Variants in HMGA1 observed in about 807,000 individuals in gnomAD.
HMGA1 encodes the protein high mobility group AT-hook 1.
A neutral mutation model predicts 15.1 loss-of-function variants in HMGA1; 1 was observed. The observed-to-expected ratio is 0.07, with a 90% confidence interval of 0.02 to 0.31. The LOEUF (loss-of-function observed/expected upper bound fraction) is 0.31. Ranked by LOEUF, HMGA1 falls within the 10% of genes least tolerant of loss-of-function variation. HMGA1 has a pLI of 1.00. For synonymous variants in HMGA1, 56 were observed against 54.8 expected, an observed-to-expected ratio of 1.02 and a Z score of -0.10; for missense variants, 94 against 141.4, an observed-to-expected ratio of 0.66 and a Z score of 1.70.
chr6:34,242,809 T>A lies in HMGA1; in HGVS notation c.219+14T>A. The A allele has an allele frequency of 6.4e-7, 1 of 1,563,610 alleles. No homozygotes were observed. The highest frequency in any genetic ancestry group is 8.7e-7 in the Non-Finnish European group (1 of 1,148,786). The stretch of plus-strand genomic sequence containing the variant: ...GCCAAGACCCGGGTGAGACTTGAGA[T>A]GGGACTACCCCTGGGTGGATGACTA... On this transcript the variant is annotated intron_variant, in intron 4 of 5. Coordinates refer to ENST00000311487, the MANE Select transcript of HMGA1 (RefSeq NM_145899.3).
chr6:34,240,524 G>C (rs1762215107), intron 2 of HMGA1: 1 of 495,304 alleles, frequency 2.0e-6, no homozygotes. Context: ...TTCTGAACAG[G>C]AGATAGATAA....
chr6:34,241,344 T>G (rs755082219), intron 3 of HMGA1, among the ~76,000 whole-genome samples: 1 of 152,252 alleles, frequency 6.6e-6, no homozygotes, highest in Non-Finnish European at 1.5e-5. Flanking sequence ...AAATGATTTT[T>G]GTCAATTTGC....
intron 4 of HMGA1, 77 bp from the exon 5 acceptor site, chr6:34,243,391 C>T: frequency 5.3e-6 from 6 of 1,128,090 alleles, no homozygotes; most frequent in Admixed American, 1.9e-5. Flanking sequence ...GGTAGGTCTG[C>T]CCCCCATCAC....
At chr6:34,237,810 T>C (rs1761927293) in intron 2 of HMGA1, among the ~76,000 whole-genome samples, 1 of 151,514 alleles carries the variant, frequency 6.6e-6, no homozygotes, top group Non-Finnish European at 1.5e-5. Context: ...GTGAGGGAGA[T>C]GGGGAGGAAC....
In HMGA1 at chr6:34,244,984, C is replaced by T. The variant is rs1561878119; in HGVS notation, c.*100C>T. ...CGCCCCCACCCCTTCCCCAGGCCCA[C>T]CATCACCACCGCCTCTGGCCGCCAC... On this transcript the variant is annotated 3_prime_UTR_variant, in exon 6 of 6. Coordinates refer to ENST00000311487, the MANE Select transcript of HMGA1 (RefSeq NM_145899.3). The T allele has an allele frequency of 1.3e-6, 2 of 1,544,908 alleles. No homozygotes were observed. Among genetic ancestry groups the T allele is most frequent in the Non-Finnish European group, 1.7e-6 (2 of 1,144,300 alleles).
chr6:34,242,838 G>C (rs367685336), intron 4 of HMGA1, 43 bp downstream of exon 4: 8 of 1,447,842 alleles, frequency 5.5e-6, no homozygotes, highest in Non-Finnish European at 7.6e-6. Flanking sequence ...ATGACTAGCA[G>C]AGGATCCTCT....
rs73419168 is a variant in HMGA1 at position 34,244,646 on chromosome 6, C to T, written c.271-185C>T. Among the ~76,000 whole-genome samples, 1,367 of 152,180 alleles carry T rather than the reference C, an allele frequency of 9.0e-3. 12 individuals are homozygous for T. The highest frequency in any genetic ancestry group is 0.03 in the African/African-American group (1,265 of 41,518). ...AGCAGCATGTGTGTGGGGTTTTTTC[C>T]TCCTTTTAAATTCTTTTTATGAATG... On this transcript the variant is annotated intron_variant, in intron 5 of 5. Coordinates refer to ENST00000311487, the MANE Select transcript of HMGA1 (RefSeq NM_145899.3).
rs145962870 is a variant in HMGA1, at chr6:34,240,891, C to A, written c.111C>A (p.Pro37=). The change falls in exon 3 of 6, where the codon CCC becomes CCA. Residue 37 remains proline, a synonymous_variant. Coordinates refer to ENST00000311487, the MANE Select transcript of HMGA1 (RefSeq NM_145899.3). ...CGCGCAAGCAGCCTCCGGTGAGTCCCGGGACAGCGCTGGTAGGGAGTCAGG... is the reference window on the plus strand; with the variant it reads ...CGCGCAAGCAGCCTCCGGTGAGTCCAGGGACAGCGCTGGTAGGGAGTCAGG... ...GRPRKQPPVS[P]GTALVGSQKE... 1.9e-6 allele frequency: 3 copies of A among 1,613,556 alleles called. No individual in the cohort carries two copies. Among genetic ancestry groups the A allele is most frequent in the South Asian group, 1.1e-5 (1 of 91,070 alleles).
chr6:34,244,935 T>A lies in HMGA1; in HGVS notation c.*51T>A, dbSNP rs1289812670. ...TGGAGGAGCAGCTTCCTTCTGGGAC[T>A]GGACAGCTTTGCTCCGCTCCCACCG... On this transcript the variant is annotated 3_prime_UTR_variant, in exon 6 of 6. Coordinates refer to ENST00000311487, the MANE Select transcript of HMGA1 (RefSeq NM_145899.3). 10 of 1,548,654 alleles carry A rather than the reference T, an allele frequency of 6.5e-6. No individual in the cohort carries two copies. In the South Asian group the frequency reaches 1.1e-4, roughly 17 times the overall value.
At chr6:34,238,436 T>C (rs1762011616) in intron 2 of HMGA1, among the ~76,000 whole-genome samples, 1 of 152,222 alleles carries the variant, frequency 6.6e-6, no homozygotes, top group African/African-American at 2.4e-5. Flanking sequence ...TTCTTCCTGC[T>C]CGCCAACTTG....
chr6:34,237,173 T>C (rs1444778495), intron 1 of HMGA1, 31 bp from the exon 2 acceptor site: 1 of 22,010 alleles, frequency 4.5e-5, no homozygotes, highest in Non-Finnish European at 8.9e-5. Flanking sequence ...GGCGGCGGTC[T>C]CTGAGCGCCT....
Position 34,245,023 on chromosome 6 carries a change from C to G in HMGA1, c.*139C>G, listed in dbSNP as rs1460982488. On this transcript the variant is annotated 3_prime_UTR_variant, in exon 6 of 6. Transcript: ENST00000311487. The stretch of plus-strand genomic sequence containing the variant: ...TCTGGCCGCCACCCCCATCTTCCAC[C>G]TGTGCCCTCACCACCACACTACACA... The G allele has an allele frequency of 6.5e-7, 1 of 1,541,840 alleles. No homozygotes were observed. The highest frequency in any genetic ancestry group is 8.7e-7 in the Non-Finnish European group (1 of 1,142,906).
In HMGA1 at chr6:34,240,272, G is replaced by A. The variant is rs560197549; in HGVS notation, c.-44-465G>A. Among the ~76,000 whole-genome samples, 7 of 152,276 alleles carry A rather than the reference G, an allele frequency of 4.6e-5. No homozygotes were observed. The South Asian group carries it at 6.2e-4, about 14-fold the overall frequency. On this transcript the variant is annotated intron_variant, in intron 2 of 5. Transcript: ENST00000311487. ...GATCAATGTCCATAGCTGCCAGATC[G>A]CAAGGTCTCATTCTTTCCATTTTCC...
intron 2 of HMGA1, chr6:34,238,912 A>C (rs927122616): frequency 6.6e-6 from 1 of 152,166 alleles, no homozygotes; most frequent in Admixed American, 6.5e-5. Flanking sequence ...GCTTCGCCCA[A>C]CTGGAACCCC....
chr6:34,237,245 C>A lies in HMGA1; in HGVS notation c.-117C>A, dbSNP rs1339821614. 2 of 148,096 alleles carry A rather than the reference C, an allele frequency of 1.4e-5. No homozygotes were observed. The highest frequency in any genetic ancestry group is 4.9e-5 in the African/African-American group (2 of 40,688). The allele number at this position is 148,096 out of a possible 1,614,324, so 9.2% of individuals were successfully genotyped here. A position where few individuals can be genotyped will look rare whatever the true frequency, so the allele number is the denominator to read the frequency against. Reference sequence around the variant, plus strand: ...AGCGGCGGCCGCGGCGGAGCCAGGCCGGTCCTCAGCGCCCAGCACCGCCGC... The same window carrying A: ...AGCGGCGGCCGCGGCGGAGCCAGGCAGGTCCTCAGCGCCCAGCACCGCCGC... On this transcript the variant is annotated 5_prime_UTR_variant, in exon 2 of 6. Transcript: ENST00000311487.
At chr6:34,238,002 G>A (rs1761951691) in intron 2 of HMGA1, among the ~76,000 whole-genome samples, 1 of 152,118 alleles carries the variant, frequency 6.6e-6, no homozygotes, top group African/African-American at 2.4e-5. Flanking sequence ...CTGCTTTGCT[G>A]GGCTCTGTTG....
rs527509695 is a variant in HMGA1 at position 34,245,074 on chromosome 6, A to G, written c.*190A>G. 156 of 1,523,554 alleles carry G rather than the reference A, an allele frequency of 1.0e-4. 4 individuals carry two copies. In the South Asian group the frequency reaches 1.5e-3, roughly 15 times the overall value. The allele number at this position is 1,523,554 out of a possible 1,614,324, so 94.4% of individuals were successfully genotyped here. A position where few individuals can be genotyped will look rare whatever the true frequency, so the allele number is the denominator to read the frequency against. On this transcript the variant is annotated 3_prime_UTR_variant, in exon 6 of 6. Coordinates refer to ENST00000311487, the MANE Select transcript of HMGA1 (RefSeq NM_145899.3). ...GCACACCAGCCGCTGCAGGGCTCCC[A>G]TGGGCTGAGTGGGGAGCAGTTTTCC...
chr6:34,242,914 C>A, intron 4 of HMGA1, 119 bp downstream of exon 4: 1 of 755,858 alleles, frequency 1.3e-6, no homozygotes, highest in East Asian at 2.7e-5. Flanking sequence ...AGTTGTGTAC[C>A]CCCTTCCCTG....
At chr6:34,237,773 C>T (rs1273685368) in intron 2 of HMGA1, among the ~76,000 whole-genome samples, 1 of 151,558 alleles carries the variant, frequency 6.6e-6, no homozygotes, top group Non-Finnish European at 1.5e-5. Flanking sequence ...GGTCGGGCGC[C>T]CCCCGCAGCT....
Sources: gnomAD v4.1 joint callset for allele counts (sites outside exome capture counted in the v4.1 genomes callset) on GRCh38, gnomAD v4.1.1 for gene constraint, MANE v1.5 for transcripts, NCBI Gene and HGNC (gene_info 2026-07-23, HGNC 2026-07-21) for gene names.